Variants in PDCD4 observed in about 807,000 individuals in gnomAD.
The protein encoded by PDCD4 is programmed cell death 4.
A neutral mutation model predicts 54.0 loss-of-function variants in PDCD4; 56 were observed. The ratio of observed to expected loss-of-function variants is 1.04; its 90% confidence interval spans 0.84 to 1.30. The LOEUF (loss-of-function observed/expected upper bound fraction) is 1.30. Among genes scored for constraint, PDCD4 ranks in the 50% most tolerant of loss-of-function variants. The pLI is 0.00. For synonymous variants in PDCD4, 186 were observed against 194.8 expected (o/e 0.95, Z 0.37); for missense variants, 584 against 559.8 (o/e 1.04, Z -0.44).
chr10:110,892,652 G>T (rs1298707624), intron 8 of PDCD4, among the ~76,000 whole-genome samples: 1 of 152,136 alleles, frequency 6.6e-6, no homozygotes, highest in Non-Finnish European at 1.5e-5. Flanking sequence ...GTCCCATAAG[G>T]TTATAACGGA....
chr10:110,897,199 A>G (rs1845851045), intron 11 of PDCD4, among the ~76,000 whole-genome samples: 1 of 152,174 alleles, frequency 6.6e-6, no homozygotes, highest in African/African-American at 2.4e-5. Context: ...CTCTGTTTGA[A>G]AGTCTGATTG....
At chr10:110,875,354 A>G (rs1845486373) in intron 1 of PDCD4, among the ~76,000 whole-genome samples, 1 of 152,136 alleles carries the variant, frequency 6.6e-6, no homozygotes, top group Non-Finnish European at 1.5e-5. Flanking sequence ...ATTATCAAAA[A>G]AGGATTTCTC....
intron 10 of PDCD4, among the ~76,000 whole-genome samples, chr10:110,895,326 G>A (rs1845815505): frequency 2.0e-5 from 3 of 152,078 alleles, no homozygotes; most frequent in South Asian, 2.1e-4. Context: ...GTGAGACCAT[G>A]CATTATTTGG....
intron 2 of PDCD4, among the ~76,000 whole-genome samples, chr10:110,880,069 A>C (rs1845567880): frequency 6.6e-6 from 1 of 152,186 alleles, no homozygotes; most frequent in African/African-American, 2.4e-5. Flanking sequence ...AGTGGTAGCT[A>C]ATTCAGTAGC....
intron 8 of PDCD4, among the ~76,000 whole-genome samples, chr10:110,893,675 T>A (rs1175868568): frequency 6.6e-6 from 1 of 152,078 alleles, no homozygotes; most frequent in Non-Finnish European, 1.5e-5. Context: ...ATTTTTTGGC[T>A]CTCAGTGCAC....
rs766763981 is a variant in PDCD4, at chr10:110,898,139, G to T, written c.*51G>T. 7.8e-5 allele frequency: 57 copies of T among 735,370 alleles called. No individual in the cohort carries two copies. The highest frequency in any genetic ancestry group is 4.4e-4 in the Middle Eastern group (1 of 2,298). 45.6% of individuals were successfully genotyped at this position (735,370 alleles called of 1,614,324 possible). ...TGTTATAAAAATATATATCTGAATT[G>T]TAAGAGTTGTTAGCACAAGTTTTTT... On this transcript the variant is annotated 3_prime_UTR_variant, in exon 12 of 12. Transcript: ENST00000280154.
At chr10:110,877,807 G>T (rs1463507819) in intron 2 of PDCD4, among the ~76,000 whole-genome samples, 1 of 152,102 alleles carries the variant, frequency 6.6e-6, no homozygotes, top group African/African-American at 2.4e-5. Context: ...GAGGAAGTAG[G>T]TTATTCTGAC....
At position 110,895,985 on chromosome 10, in the gene PDCD4, ATCTGGATGTCCCACAT is replaced by A; in HGVS notation, c.1250_1265del (p.Leu417HisfsTer9). 6.2e-7 allele frequency: 1 copy of A among 1,605,768 alleles called. No individual in the cohort carries two copies. The highest frequency in any genetic ancestry group is 8.5e-7 in the Non-Finnish European group (1 of 1,175,242). ...ATTTACAATGAAATTCCGGACATTA[ATCTGGATGTCCCACAT>A]TCATACTCTGTGCTGGAGCGGTTTG... On this transcript the variant is annotated frameshift_variant, in exon 11 of 12. Transcript: ENST00000280154. LOFTEE classifies it high-confidence loss of function.
chr10:110,874,329 AG>A (rs1845469211), intron 1 of PDCD4, among the ~76,000 whole-genome samples: 1 of 152,260 alleles, frequency 6.6e-6, no homozygotes, highest in Non-Finnish European at 1.5e-5. Flanking sequence ...ACTTTCATCA[AG>A]AATGAAAAAG....
chr10:110,898,016 T>TAA lies in PDCD4; in HGVS notation c.1350-12_1350-11insAA. Reference sequence around the variant, plus strand: ...GTATCTGTTTTCATGTCTTTTTTTTTCTTCATTACAGGGGCAGAAAGCGTT... The same window carrying TAA: ...GTATCTGTTTTCATGTCTTTTTTTTTAACTTCATTACAGGGGCAGAAAGCGTT... On this transcript the variant is annotated splice_polypyrimidine_tract_variant and intron_variant, in intron 11 of 11. Transcript: ENST00000280154. The TAA allele has an allele frequency of 6.4e-7, 1 of 1,569,256 alleles. No homozygotes were observed. The highest frequency in any genetic ancestry group is 8.7e-7 in the Non-Finnish European group (1 of 1,155,088).
chr10:110,890,742 C>A, intron 8 of PDCD4, 72 bp downstream of exon 8: 2 of 910,418 alleles, frequency 2.2e-6, no homozygotes, highest in Non-Finnish European at 3.2e-6. Flanking sequence ...TGGCTACTAG[C>A]TGGTATTTTT....
In PDCD4 at chr10:110,895,998, A is replaced by T. The variant is rs1845825726; in HGVS notation, c.1260A>T (p.Pro420=). The T allele has an allele frequency of 1.9e-6, 3 of 1,606,316 alleles. No individual in the cohort carries two copies. The highest frequency in any genetic ancestry group is 2.7e-5 in the African/African-American group (2 of 74,520). The change falls in exon 11 of 12, where the codon CCA becomes CCT. Residue 420 remains proline (P), a synonymous_variant. Transcript: ENST00000280154. ...TTCCGGACATTAATCTGGATGTCCC[A>T]CATTCATACTCTGTGCTGGAGCGGT... The part of the protein sequence containing the change: ...NEIPDINLDV[P]HSYSVLERFV...
chr10:110,874,903 G>A (rs1845478389), intron 1 of PDCD4, among the ~76,000 whole-genome samples: 1 of 152,068 alleles, frequency 6.6e-6, no homozygotes, highest in Non-Finnish European at 1.5e-5. Context: ...AGGAAAAAAT[G>A]TGCTTTTCTG....
intron 2 of PDCD4, among the ~76,000 whole-genome samples, chr10:110,879,127 ACT>A (rs1845552306): frequency 1.3e-5 from 2 of 152,164 alleles, no homozygotes; most frequent in Non-Finnish European, 2.9e-5. Context: ...TCCCACAGTT[ACT>A]ACCCTTGCTC....
intron 2 of PDCD4, among the ~76,000 whole-genome samples, chr10:110,879,078 C>T (rs1027224244): frequency 6.6e-6 from 1 of 152,158 alleles, no homozygotes; most frequent in African/African-American, 2.4e-5. Flanking sequence ...GCTTAAAAGT[C>T]CTTCATTATT....
At chr10:110,873,998 C>T (rs1016664626) in intron 1 of PDCD4, among the ~76,000 whole-genome samples, 3 of 152,138 alleles carry the variant, frequency 2.0e-5, no homozygotes, top group Non-Finnish European at 2.9e-5. Context: ...TTTTAAGAAG[C>T]TTCTGTTAAC....
intron 6 of PDCD4, 48 bp downstream of exon 6, chr10:110,887,934 C>T: frequency 8.0e-7 from 1 of 1,255,786 alleles, no homozygotes; most frequent in Non-Finnish European, 1.2e-6. Flanking sequence ...TACTATATTC[C>T]TAATTGTGGA....
At chr10:110,891,173 G>A (rs754795326) in intron 8 of PDCD4, among the ~76,000 whole-genome samples, 13 of 152,112 alleles carry the variant, frequency 8.5e-5, no homozygotes, top group Non-Finnish European at 1.6e-4. Flanking sequence ...GAGAGGCTGA[G>A]GCGGGTGGAT....
At position 110,887,735 on chromosome 10, in the gene PDCD4, T is replaced by G; in HGVS notation, c.626T>G (p.Leu209Trp). Residue 209 changes from leucine (L) to tryptophan (W), a missense_variant, in exon 6 of 12, where the codon TTG becomes TGG. Physicochemically the swap from Leu to Trp is moderately conservative, Grantham distance 61. Coordinates refer to ENST00000280154, the MANE Select transcript of PDCD4 (RefSeq NM_014456.5). Reference protein sequence around the residue: ...GVPVLAVSLALEGKASHREMT... With the variant: ...GVPVLAVSLAWEGKASHREMT... ...CCAGTGTTGGCAGTATCCTTAGCAT[T>G]GGAGGGGAAGGCTAGTCATAGAGAG... 6.2e-7 allele frequency: 1 copy of G among 1,613,602 alleles called. No individual in the cohort carries two copies. The highest frequency in any genetic ancestry group is 8.5e-7 in the Non-Finnish European group (1 of 1,179,544).
Sources: gnomAD v4.1 joint callset for allele counts (sites outside exome capture counted in the v4.1 genomes callset) on GRCh38, gnomAD v4.1.1 for gene constraint, MANE v1.5 for transcripts, NCBI Gene and HGNC (gene_info 2026-07-23, HGNC 2026-07-21) for gene names.